MTG1: variants seen among roughly 807,000 people sequenced by gnomAD.
The protein encoded by MTG1 is mitochondrial ribosome associated GTPase 1.
In MTG1, 30 loss-of-function variants were observed where a neutral mutation model predicts 39.5. The observed-to-expected ratio is 0.76, with a 90% confidence interval of 0.57 to 1.03. MTG1 has a LOEUF of 1.03. Ranked by LOEUF, MTG1 falls within the 50% of genes least tolerant of loss-of-function variation. The pLI is 0.00. For synonymous variants in MTG1, 217 were observed against 179.0 expected, an observed-to-expected ratio of 1.21 and a Z score of -1.69; for missense variants, 513 against 447.4, an observed-to-expected ratio of 1.15 and a Z score of -1.32.
rs373551564 is a variant in MTG1 at position 133,402,794 on chromosome 10, G to T, written c.752+21G>T. ...TTTGGGTGAGTGCAGTGAATGCAGGGCAGCTGGGGCCCCTCCTCCTAGTCA... is the reference window on the plus strand; with the variant it reads ...TTTGGGTGAGTGCAGTGAATGCAGGTCAGCTGGGGCCCCTCCTCCTAGTCA... On this transcript the variant is annotated intron_variant, in intron 9 of 10. Transcript: ENST00000317502. This position sits in a 1 kb window ranked among gnomAD's most constrained non-coding sequence, Gnocchi z 4.7. The T allele has an allele frequency of 7.3e-5, 115 of 1,569,150 alleles. No homozygotes were observed. The Middle Eastern group carries it at 1.2e-3, about 16-fold the overall frequency.
chr10:133,402,110 T>A lies in MTG1; in HGVS notation c.574-39T>A. ...TGAGTGGCCCACCTGGGTGGGAGGC[T>A]GCCACCGCGGCCTGATCATGCCCTC... On this transcript the variant is annotated intron_variant, in intron 7 of 10. Transcript: ENST00000317502. The surrounding 1 kb of genome is among the most constrained non-coding windows in gnomAD (Gnocchi z 4.7). The A allele has an allele frequency of 6.2e-7, 1 of 1,612,232 alleles. No homozygotes were observed. The highest frequency in any genetic ancestry group is 1.7e-4 in the Middle Eastern group (1 of 6,048).
At chr10:133,405,822 T>G (rs186342455) in intron 9 of MTG1, among the ~76,000 whole-genome samples, 27 of 152,342 alleles carry the variant, frequency 1.8e-4, no homozygotes, top group Middle Eastern at 6.8e-3. Context: ...CTTCAGTATA[T>G]TGATTTCCAT....
At chr10:133,400,457 A>C (rs1002633936) in intron 6 of MTG1, among the ~76,000 whole-genome samples, 1 of 152,220 alleles carries the variant, frequency 6.6e-6, no homozygotes, top group South Asian at 2.1e-4. Context: ...AAGTATTTTC[A>C]AGTTTAATTC....
Position 133,419,491 on chromosome 10 carries a change from A to G in MTG1, c.764A>G (p.His255Arg). 6.2e-7 allele frequency: 1 copy of G among 1,600,752 alleles called. No individual in the cohort carries two copies. The highest frequency in any genetic ancestry group is 8.5e-7 in the Non-Finnish European group (1 of 1,174,212). ...CAGCCTATGTGCAGGTACGTGCAGC[A>G]CTACGGCCTGGGCAGTGCCTGTGAC... ...NKHQRFGYVQ[H>R]YGLGSACDNV... Residue 255 changes from histidine (H) to arginine (R), a missense_variant, in exon 10 of 11, where the codon CAC becomes CGC. Transcript: ENST00000317502.
Position 133,394,303 on chromosome 10 carries a change from C to T in MTG1, c.83C>T (p.Ala28Val). The T allele has an allele frequency of 2.0e-6, 3 of 1,516,156 alleles. No homozygotes were observed. Among genetic ancestry groups the T allele is most frequent in the Admixed American group, 2.0e-5 (1 of 48,960 alleles). 93.9% of individuals were successfully genotyped at this position (1,516,156 alleles called of 1,614,324 possible). The change falls in exon 1 of 11, where the codon GCG (alanine) becomes GTG (valine). Residue 28 changes from alanine (A) to valine (V), a missense_variant. Ala to Val is a moderately conservative substitution (Grantham distance 64). Transcript: ENST00000317502. ...ENFPLCGRDV[A>V]RWFPGHMAKG... is the part of the protein sequence containing the mutation. ...TTCCCCCTGTGCGGTCGCGACGTGG[C>T]GCGCTGGTTCCCGGGCCACATGGCC...
chr10:133,396,943 C>T (rs912940844), intron 3 of MTG1, among the ~76,000 whole-genome samples: 5 of 152,208 alleles, frequency 3.3e-5, no homozygotes, highest in African/African-American at 9.7e-5. Context: ...CAAGGAAAAG[C>T]ACCCGCTACT....
At chr10:133,415,988 CGCGGGTGTCGGGCAG>C (rs1322384324) in intron 9 of MTG1, among the ~76,000 whole-genome samples, 8 of 107,786 alleles carry the variant, frequency 7.4e-5, no homozygotes, top group Admixed American at 2.2e-4. Flanking sequence ...GGTGTCGGCA[CGCGGGTGTCGGGCAG>C]GCGGGTGTCG....
chr10:133,405,328 A>G (rs570882363), intron 9 of MTG1, among the ~76,000 whole-genome samples: 14 of 152,362 alleles, frequency 9.2e-5, no homozygotes, highest in African/African-American at 3.4e-4. Flanking sequence ...ATGCATTCAT[A>G]CAATGTGTAA....
Position 133,402,557 on chromosome 10 carries a change from A to T in MTG1, c.671-135A>T. ...ACAGCCGAGTGCCGTCCTCTTGGTT[A>T]GTGTCTTTGTCAGTGGCTGGCCTCT... On this transcript the variant is annotated intron_variant, in intron 8 of 10. Coordinates refer to ENST00000317502, the MANE Select transcript of MTG1 (RefSeq NM_138384.4). The surrounding 1 kb of genome is among the most constrained non-coding windows in gnomAD (Gnocchi z 4.7). 1.2e-6 allele frequency: 1 copy of T among 826,494 alleles called. No individual in the cohort carries two copies. Among genetic ancestry groups the T allele is most frequent in the Non-Finnish European group, 1.9e-6 (1 of 520,562 alleles). 51.2% of individuals were successfully genotyped at this position (826,494 alleles called of 1,614,324 possible). A position where few individuals can be genotyped will look rare whatever the true frequency, so the allele number is the denominator to read the frequency against.
At chr10:133,406,552 G>A (rs1453575416) in intron 9 of MTG1, among the ~76,000 whole-genome samples, 2 of 151,344 alleles carry the variant, frequency 1.3e-5, no homozygotes, top group East Asian at 3.9e-4. Context: ...TGCTTTTGTT[G>A]CCTGTGCTTT....
chr10:133,415,263 A>T (rs1850108566), intron 9 of MTG1, among the ~76,000 whole-genome samples: 1 of 152,114 alleles, frequency 6.6e-6, no homozygotes, highest in Non-Finnish European at 1.5e-5. Flanking sequence ...TCCTGCACTC[A>T]TTTCTTTGTG....
intron 5 of MTG1, 108 bp from the exon 6 acceptor site, chr10:133,399,421 C>A: frequency 7.9e-7 from 1 of 1,267,682 alleles, no homozygotes; most frequent in Non-Finnish European, 1.1e-6. Flanking sequence ...AACCTCCCTT[C>A]TTCCCTGAGC....
Position 133,411,414 on chromosome 10 carries a change from T to TA in MTG1, c.753-8065dup, listed in dbSNP as rs200846513. Among the ~76,000 whole-genome samples, 791 of 152,340 alleles carry TA rather than the reference T, an allele frequency of 5.2e-3. 8 individuals are homozygous for TA. The highest frequency in any genetic ancestry group is 4.7e-3 in the Non-Finnish European group (323 of 68,028). ...TTGAGAGTTTGATTATTATATTCTG[T>TA]AGGGTAGTTTTATTTGGGTTAAATC... On this transcript the variant is annotated intron_variant, in intron 9 of 10. Coordinates refer to ENST00000317502, the MANE Select transcript of MTG1 (RefSeq NM_138384.4).
intron 3 of MTG1, among the ~76,000 whole-genome samples, chr10:133,397,645 A>AT: frequency 6.6e-6 from 1 of 151,888 alleles, no homozygotes; most frequent in African/African-American, 2.4e-5. Context: ...TGCCCGGCTA[A>AT]TTTTTTGTAT....
At chr10:133,410,187 G>T (rs527734389) in intron 9 of MTG1, among the ~76,000 whole-genome samples, 12 of 152,122 alleles carry the variant, frequency 7.9e-5, no homozygotes, top group Middle Eastern at 3.4e-3. Context: ...TAGGACTACA[G>T]GCGTGTGCCA....
At chr10:133,410,962 A>T (rs993195081) in intron 9 of MTG1, among the ~76,000 whole-genome samples, 2 of 151,576 alleles carry the variant, frequency 1.3e-5, no homozygotes, top group African/African-American at 4.9e-5. Flanking sequence ...ATTATTTTTG[A>T]TACATTTTTC....
chr10:133,422,185 C>A lies in MTG1; in HGVS notation c.*2020C>A, dbSNP rs10776681. 0.12 allele frequency: 18,350 copies of A among 152,666 alleles called. 1,349 individuals carry two copies. Among genetic ancestry groups the A allele is most frequent in the African/African-American group, 0.2 (8,315 of 41,540 alleles). The allele number at this position is 152,666 out of a possible 1,614,324, so 9.5% of individuals were successfully genotyped here. Reference sequence around the variant, plus strand: ...TGGGCGCTGGGCCCCGCCACTGGCCCCCTGCTTGCTTTGGGGTCTGAGTTA... The same window carrying A: ...TGGGCGCTGGGCCCCGCCACTGGCCACCTGCTTGCTTTGGGGTCTGAGTTA... On this transcript the variant is annotated 3_prime_UTR_variant, in exon 11 of 11. Transcript: ENST00000317502.
At chr10:133,399,712 C>T (rs527377368) in intron 6 of MTG1, 93 bp downstream of exon 6, 16 of 1,307,456 alleles carry the variant, frequency 1.2e-5, no homozygotes, top group Admixed American at 3.6e-5. Flanking sequence ...GGGACGTGCC[C>T]GAGGAGCACT....
chr10:133,402,326 G>A lies in MTG1; in HGVS notation c.670+81G>A. The A allele has an allele frequency of 6.5e-7, 1 of 1,532,830 alleles. No individual in the cohort carries two copies. 95.0% of individuals were successfully genotyped at this position (1,532,830 alleles called of 1,614,324 possible). ...CCTTTAGGGCTGGCTTTGGCACAGG[G>A]CCCCTAGACGGGAGTTGTTACTGCC... is the stretch of plus-strand genomic sequence containing the variant. On this transcript the variant is annotated intron_variant, in intron 8 of 10. Coordinates refer to ENST00000317502, the MANE Select transcript of MTG1 (RefSeq NM_138384.4). The surrounding 1 kb of genome is among the most constrained non-coding windows in gnomAD (Gnocchi z 4.7).
Sources: gnomAD v4.1 joint callset for allele counts (sites outside exome capture counted in the v4.1 genomes callset) on GRCh38, gnomAD v4.1.1 for gene constraint, Gnocchi (gnomAD v3.1) non-coding constraint, MANE v1.5 for transcripts, NCBI Gene and HGNC (gene_info 2026-07-23, HGNC 2026-07-21) for gene names.